Variants in PCDHGA12 observed in about 807,000 individuals in gnomAD.
PCDHGA12 encodes the protein protocadherin gamma-A12.
In PCDHGA12, 43 loss-of-function variants were observed where a neutral mutation model predicts 61.1. The observed-to-expected ratio is 0.70, with a 90% CI of 0.55 to 0.91. The LOEUF (loss-of-function observed/expected upper bound fraction) is 0.91, where lower values mean the gene tolerates loss of function less well. PCDHGA12 is among the 40% of genes least tolerant of loss of function. PCDHGA12 has a pLI of 0.00. For synonymous variants in PCDHGA12, 520 were observed against 542.9 expected (o/e 0.96, Z 0.59); for missense variants, 1,236 against 1,227.7 (o/e 1.01, Z -0.10).
chr5:141,442,675 G>A (rs1381554808), intron 1 of PCDHGA12, among the ~76,000 whole-genome samples: 1 of 152,248 alleles, frequency 6.6e-6, no homozygotes, highest in Admixed American at 6.5e-5. Context: ...GTGAGCTTGA[G>A]GGACAGTAGT....
At chr5:141,450,932 C>G (rs868373954) in intron 1 of PCDHGA12, among the ~76,000 whole-genome samples, 1 of 151,134 alleles carries the variant, frequency 6.6e-6, no homozygotes, top group Admixed American at 6.6e-5. Context: ...TCAAGCAATT[C>G]TCCTACCTCA....
rs2099687792 is a variant in PCDHGA12, at chr5:141,489,485, G to GT, written c.2425-5321dup. Reference sequence around the variant, plus strand: ...TATTTTTCCCTGAGCTTGATGAGTGGTGCCCTGGCAGTGAATCAAAAGATT... The same window carrying GT: ...TATTTTTCCCTGAGCTTGATGAGTGGTTGCCCTGGCAGTGAATCAAAAGATT... On this transcript the variant is annotated intron_variant, in intron 1 of 3. Coordinates refer to ENST00000252085, the MANE Select transcript of PCDHGA12 (RefSeq NM_003735.3). This position sits in a 1 kb window ranked among gnomAD's most constrained non-coding sequence, Gnocchi z 4.5. The GT allele has an allele frequency of 6.2e-7, 1 of 1,614,088 alleles. No individual in the cohort carries two copies. The highest frequency in any genetic ancestry group is 2.2e-5 in the East Asian group (1 of 44,868).
At position 141,491,201 on chromosome 5, in the gene PCDHGA12, C is replaced by T. The variant is rs752813291; in HGVS notation, c.2425-3606C>T. The T allele has an allele frequency of 3.7e-6, 6 of 1,614,226 alleles. No homozygotes were observed. The Admixed American group carries it at 5.0e-5, about 13-fold the overall frequency. On this transcript the variant is annotated intron_variant, in intron 1 of 3. Transcript: ENST00000252085. This position sits in a 1 kb window ranked among gnomAD's most constrained non-coding sequence, Gnocchi z 6.9. ...GTCCTGGTGAGGGACAATGGTGACCCTTCACTCTCCTCCACAGCCACAGTG... is the reference window on the plus strand; with the variant it reads ...GTCCTGGTGAGGGACAATGGTGACCTTTCACTCTCCTCCACAGCCACAGTG...
intron 1 of PCDHGA12, chr5:141,478,540 C>T (rs1221128622): frequency 6.2e-7 from 1 of 1,606,412 alleles, no homozygotes; most frequent in East Asian, 2.2e-5. Context: ...GCGCCCCTCC[C>T]GGACAGGTAA....
At position 141,494,758 on chromosome 5, in the gene PCDHGA12, T is replaced by C. The variant is rs370692038; in HGVS notation, c.2425-49T>C. ...CCATCCCTAGGGGCTCGGGTGACAT[T>C]CTAACTTCTCACGGGTACTCAGCCC... On this transcript the variant is annotated intron_variant, in intron 1 of 3. Transcript: ENST00000252085. The C allele has an allele frequency of 1.3e-5, 21 of 1,613,682 alleles. No homozygotes were observed. The African/African-American group carries it at 2.7e-4, about 21-fold the overall frequency.
Position 141,430,964 on chromosome 5 carries a change from A to G in PCDHGA12, c.205A>G (p.Arg69Gly), listed in dbSNP as rs547574367. The G allele has an allele frequency of 7.3e-5, 117 of 1,612,860 alleles. No homozygotes were observed. The South Asian group carries it at 1.2e-3, about 17-fold the overall frequency. Residue 69 changes from arginine (R) to glycine (G), a missense_variant, in exon 1 of 4, where the codon AGA (arginine) becomes GGA (glycine). By Grantham distance (125) the Arg-to-Gly change is moderately radical (BLOSUM62 -2). Coordinates refer to ENST00000252085, the MANE Select transcript of PCDHGA12 (RefSeq NM_003735.3). The stretch of plus-strand genomic sequence containing the variant: ...GGAGCGCGGAGTCCGCATCATCCCC[A>G]GAGGTAGGACGCAGCTTTTCGCCCT... ...LAERGVRIIP[R>G]GRTQLFALNP...
In PCDHGA12 at chr5:141,485,269, C is replaced by T. The variant is rs760197007; in HGVS notation, c.2425-9538C>T. The T allele has an allele frequency of 6.2e-7, 1 of 1,614,090 alleles. No homozygotes were observed. Among genetic ancestry groups the T allele is most frequent in the Admixed American group, 1.7e-5 (1 of 60,028 alleles). On this transcript the variant is annotated intron_variant, in intron 1 of 3. Transcript: ENST00000252085. The surrounding 1 kb of genome is among the most constrained non-coding windows in gnomAD (Gnocchi z 5.7). ...TGGGTTACGTTTGTGGGCAGATCCG[C>T]TACCCGGTCCCAGAGGAGTCACAGG... is the stretch of plus-strand genomic sequence containing the variant.
chr5:141,507,915 G>A (rs1324577269), intron 3 of PCDHGA12, among the ~76,000 whole-genome samples: 2 of 152,224 alleles, frequency 1.3e-5, no homozygotes, highest in African/African-American at 4.8e-5. Flanking sequence ...AGCCAGGCCT[G>A]TGGGGCTGCT....
chr5:141,478,461 T>C, intron 1 of PCDHGA12: 1 of 1,613,254 alleles, frequency 6.2e-7, no homozygotes, highest in East Asian at 2.2e-5. Flanking sequence ...GCCAGTCCAC[T>C]GGCCAGCCGC....
At chr5:141,503,010 A>AT (rs199924715) in intron 2 of PCDHGA12, among the ~76,000 whole-genome samples, 26,593 of 146,658 alleles carry the variant, frequency 0.18, 2,532 homozygotes, top group Admixed American at 0.29. Context: ...TGCCCGGTTA[A>AT]TTTTTTTTTT....
At chr5:141,447,280 C>T (rs2098533193) in intron 1 of PCDHGA12, among the ~76,000 whole-genome samples, 1 of 152,172 alleles carries the variant, frequency 6.6e-6, no homozygotes, top group Non-Finnish European at 1.5e-5. Context: ...GCTGGGACTA[C>T]AGGCACATGC....
At chr5:141,438,635 T>TATAC (rs1460604450) in intron 1 of PCDHGA12, among the ~76,000 whole-genome samples, 1 of 33,416 alleles carries the variant, frequency 3.0e-5, no homozygotes, top group Admixed American at 4.2e-4. Context: ...TATATATATA[T>TATAC]ACACACACAC....
chr5:141,505,634 A>T, intron 3 of PCDHGA12, 153 bp downstream of exon 3: 6 of 971,426 alleles, frequency 6.2e-6, no homozygotes, highest in Non-Finnish European at 7.3e-6. Context: ...CCAAACATAA[A>T]GCCTGGAATT....
rs1407774111 is a variant in PCDHGA12 at position 141,431,569 on chromosome 5, C to G, written c.810C>G (p.Asp270Glu). Residue 270 changes from aspartate to glutamate, a missense_variant, in exon 1 of 4, where the codon GAC becomes GAG. Transcript: ENST00000252085. The surrounding 1 kb of genome is among the most constrained non-coding windows in gnomAD (Gnocchi z 4.8). Reference protein sequence around the residue: ...QLLVVNATDPDEGVNAEVRYS... With the variant: ...QLLVVNATDPEEGVNAEVRYS... Reference sequence around the variant, plus strand: ...TTGTAGTCAACGCTACCGACCCTGACGAAGGAGTCAATGCGGAAGTGAGGT... The same window carrying G: ...TTGTAGTCAACGCTACCGACCCTGAGGAAGGAGTCAATGCGGAAGTGAGGT... 5.6e-6 allele frequency: 9 copies of G among 1,614,000 alleles called. No homozygotes were observed. Among genetic ancestry groups the G allele is most frequent in the African/African-American group, 2.7e-5 (2 of 74,932 alleles).
chr5:141,497,793 G>A (rs2099779480), intron 2 of PCDHGA12, among the ~76,000 whole-genome samples: 1 of 152,180 alleles, frequency 6.6e-6, no homozygotes, highest in Admixed American at 6.5e-5. Flanking sequence ...ACCTGCTTCA[G>A]CTTCCCAAAG....
Position 141,511,151 on chromosome 5 carries a change from C to G in PCDHGA12, c.2777C>G (p.Ser926Trp). The change falls in exon 4 of 4, where the codon TCG becomes TGG. Residue 926 changes from serine (S) to tryptophan (W), a missense_variant. Transcript: ENST00000252085. ...PAGGNGNKKK[S>W]GKKEKK ...GGTGGCAATGGCAACAAGAAGAAGTCGGGCAAGAAGGAGAAGAAGTAACAT... is the reference window on the plus strand; with the variant it reads ...GGTGGCAATGGCAACAAGAAGAAGTGGGGCAAGAAGGAGAAGAAGTAACAT... The G allele has an allele frequency of 6.2e-7, 1 of 1,614,152 alleles. No individual in the cohort carries two copies. Among genetic ancestry groups the G allele is most frequent in the Non-Finnish European group, 8.5e-7 (1 of 1,179,994 alleles).
In PCDHGA12 at chr5:141,455,477, C is replaced by T. The variant is rs557286491; in HGVS notation, c.2424+22294C>T. On this transcript the variant is annotated intron_variant, in intron 1 of 3. Coordinates refer to ENST00000252085, the MANE Select transcript of PCDHGA12 (RefSeq NM_003735.3). ...TACCAGCCAGGTATATATGCAGAGG[C>T]TGGTGGAGGTGATGTCTGATTTGCA... Among the ~76,000 whole-genome samples the T allele has an allele frequency of 1.2e-4, 18 of 152,252 alleles. No homozygotes were observed. The South Asian group carries it at 3.7e-3, about 32-fold the overall frequency.
chr5:141,432,918 A>C lies in PCDHGA12; in HGVS notation c.2159A>C (p.His720Pro). The part of the protein sequence containing the change: ...LLLALRLRRW[H>P]KSRLLQASGG... ...CTGGCGCTCAGGCTGCGGCGCTGGC[A>C]CAAGTCACGCCTGCTGCAGGCTTCA... The change falls in exon 1 of 4, where the codon CAC becomes CCC. Residue 720 changes from histidine to proline, a missense_variant. Coordinates refer to ENST00000252085, the MANE Select transcript of PCDHGA12 (RefSeq NM_003735.3). This position sits in a 1 kb window ranked among gnomAD's most constrained non-coding sequence, Gnocchi z 6.0. 1 of 1,614,128 alleles carries C rather than the reference A, an allele frequency of 6.2e-7. No homozygotes were observed. Among genetic ancestry groups the C allele is most frequent in the South Asian group, 1.1e-5 (1 of 91,082 alleles).
chr5:141,453,205 G>A lies in PCDHGA12; in HGVS notation c.2424+20022G>A, dbSNP rs570291941. On this transcript the variant is annotated intron_variant, in intron 1 of 3. Coordinates refer to ENST00000252085, the MANE Select transcript of PCDHGA12 (RefSeq NM_003735.3). ...CACAGCTCACTGCAGCCTCAACCTC[G>A]TGCACTTAAGCGATCCTCCCACCTC... Among the ~76,000 whole-genome samples the A allele has an allele frequency of 1.1e-4, 17 of 151,990 alleles. No individual in the cohort carries two copies. In the East Asian group the frequency reaches 2.5e-3, roughly 22 times the overall value.
Sources: allele counts gnomAD v4.1 joint callset (sites outside exome capture counted in the v4.1 genomes callset), GRCh38; gene constraint gnomAD v4.1.1; non-coding constraint Gnocchi (gnomAD v3.1); transcripts MANE v1.5; gene names NCBI Gene and HGNC (gene_info 2026-07-23, HGNC 2026-07-21).